SPSB1: variants seen among roughly 807,000 people sequenced by gnomAD.
SPSB1 encodes SPRY domain-containing SOCS box protein 1.
A neutral mutation model predicts 21.2 loss-of-function variants in SPSB1; 8 were observed. The observed-to-expected ratio is 0.38, with a 90% confidence interval of 0.22 to 0.68. SPSB1 has a LOEUF of 0.68. SPSB1 is among the 30% of genes least tolerant of loss of function. SPSB1 has a pLI of 0.53. For synonymous variants in SPSB1, 169 were observed against 161.7 expected, an observed-to-expected ratio of 1.05 and a Z score of -0.34; for missense variants, 242 against 377.8, an observed-to-expected ratio of 0.64 and a Z score of 2.98.
At chr1:9,329,747 GCTGGAGTCCAGGAGACTTC>G (rs1639884258) in intron 1 of SPSB1, among the ~76,000 whole-genome samples, 1 of 151,830 alleles carries the variant, frequency 6.6e-6, no homozygotes, top group Admixed American at 6.6e-5. Flanking sequence ...AGAAGTTAGT[GCTGGAGTCCAGGAGACTTC>G]CCAGATCTCG....
intron 1 of SPSB1, among the ~76,000 whole-genome samples, chr1:9,311,750 G>A (rs1239395510): frequency 2.6e-5 from 4 of 152,074 alleles, no homozygotes; most frequent in Non-Finnish European, 5.9e-5. Context: ...CGTGAAACGT[G>A]GCTTTATCTA....
intron 2 of SPSB1, among the ~76,000 whole-genome samples, chr1:9,358,413 C>G (rs915749358): frequency 6.6e-6 from 1 of 152,162 alleles, no homozygotes; most frequent in African/African-American, 2.4e-5. Flanking sequence ...GGTAGCCTCC[C>G]CGGGGAAGTC....
chr1:9,296,220 C>T (rs934938519), intron 1 of SPSB1, among the ~76,000 whole-genome samples: 1 of 152,156 alleles, frequency 6.6e-6, no homozygotes, highest in African/African-American at 2.4e-5. Flanking sequence ...GAGTCCTTGA[C>T]GCATTGACTC....
At chr1:9,332,220 T>C (rs1372973232) in intron 1 of SPSB1, among the ~76,000 whole-genome samples, 1 of 151,906 alleles carries the variant, frequency 6.6e-6, no homozygotes, top group Non-Finnish European at 1.5e-5. Context: ...TGAGAGCGTT[T>C]TAGGAAGATT....
intron 1 of SPSB1, among the ~76,000 whole-genome samples, chr1:9,298,238 T>G: frequency 6.6e-6 from 1 of 152,232 alleles, no homozygotes; most frequent in East Asian, 1.9e-4. Context: ...GTTTTCTGTA[T>G]AAGCAGAAAC....
chr1:9,329,997 T>G (rs1458436911), intron 1 of SPSB1, among the ~76,000 whole-genome samples: 2 of 152,192 alleles, frequency 1.3e-5, no homozygotes, highest in Non-Finnish European at 2.9e-5. Context: ...AGCAGGTGAC[T>G]GCACATTTTT....
chr1:9,309,787 A>G (rs1408314430), intron 1 of SPSB1, among the ~76,000 whole-genome samples: 1 of 152,156 alleles, frequency 6.6e-6, no homozygotes, highest in Non-Finnish European at 1.5e-5. Context: ...GTTTGCAGTG[A>G]GCCAAGACTG....
At chr1:9,322,555 G>C (rs1639737700) in intron 1 of SPSB1, among the ~76,000 whole-genome samples, 1 of 152,184 alleles carries the variant, frequency 6.6e-6, no homozygotes, top group Non-Finnish European at 1.5e-5. Flanking sequence ...CATGATGAGG[G>C]CTCAGGGTTC....
Position 9,323,372 on chromosome 1 carries a change from T to C in SPSB1, c.-150+30301T>C, listed in dbSNP as rs1639757198. On this transcript the variant is annotated intron_variant, in intron 1 of 2. Transcript: ENST00000328089. ...GCCCTCCATGGAGTCACTGGGGACT[T>C]TCCATGTCTCCCCCTGGCTGGCTGT... 2.0e-5 allele frequency among the ~76,000 whole-genome samples: 3 copies of C among 152,150 alleles called. No homozygotes were observed. In the South Asian group the frequency reaches 6.2e-4, roughly 32 times the overall value.
intron 1 of SPSB1, among the ~76,000 whole-genome samples, chr1:9,341,669 C>A (rs1176688634): frequency 6.6e-6 from 1 of 152,184 alleles, no homozygotes; most frequent in African/African-American, 2.4e-5. Flanking sequence ...AAGGCCTGTT[C>A]TCCCTTCCTG....
At chr1:9,361,999 C>T (rs565802999) in intron 2 of SPSB1, among the ~76,000 whole-genome samples, 1 of 152,356 alleles carries the variant, frequency 6.6e-6, no homozygotes, top group East Asian at 1.9e-4. Context: ...TTCGAATTTT[C>T]TTTAACGGCT....
Position 9,356,332 on chromosome 1 carries a change from C to G in SPSB1, c.441C>G (p.Asn147Lys). The change falls in exon 2 of 3, where the codon AAC becomes AAG. Residue 147 changes from asparagine to lysine, a missense_variant. Coordinates refer to ENST00000328089, the MANE Select transcript of SPSB1 (RefSeq NM_025106.4). The surrounding 1 kb of genome is among the most constrained non-coding windows in gnomAD (Gnocchi z 7.4). ...CCTGGGGCTGGGACTTGGGGCGCAA[C>G]CGGCTCTACCACGATGGCAAGAACC... ...HESWGWDLGR[N>K]RLYHDGKNQP... is the part of the protein sequence containing the mutation. 6.2e-7 allele frequency: 1 copy of G among 1,613,932 alleles called. No individual in the cohort carries two copies. Among genetic ancestry groups the G allele is most frequent in the Non-Finnish European group, 8.5e-7 (1 of 1,180,026 alleles).
rs574762639 is a variant in SPSB1, at chr1:9,346,065, C to T, written c.-149-9678C>T. Reference sequence around the variant, plus strand: ...GGATGCTGGAGGGAGCACAGAACCCCAGTGAGCGGGCAGAGCCCAGGCAGC... The same window carrying T: ...GGATGCTGGAGGGAGCACAGAACCCTAGTGAGCGGGCAGAGCCCAGGCAGC... On this transcript the variant is annotated intron_variant, in intron 1 of 2. Transcript: ENST00000328089. The surrounding 1 kb of genome is among the most constrained non-coding windows in gnomAD (Gnocchi z 4.4). Among the ~76,000 whole-genome samples, 27 of 152,336 alleles carry T rather than the reference C, an allele frequency of 1.8e-4. No individual in the cohort carries two copies. The highest frequency in any genetic ancestry group is 6.5e-4 in the African/African-American group (27 of 41,584).
In SPSB1 at chr1:9,351,134, TAA is replaced by T. The variant is rs1424144829; in HGVS notation, c.-149-4607_-149-4606del. On this transcript the variant is annotated intron_variant, in intron 1 of 2. Coordinates refer to ENST00000328089, the MANE Select transcript of SPSB1 (RefSeq NM_025106.4). ...AAATCTGGCCCACTGTCTATTTTTG[TAA>T]ATAAAGTTTTATTGAAACACATTCA... Among the ~76,000 whole-genome samples the T allele has an allele frequency of 6.6e-5, 10 of 152,370 alleles. 1 individual carries two copies. The East Asian group carries it at 1.9e-3, about 29-fold the overall frequency.
intron 1 of SPSB1, among the ~76,000 whole-genome samples, chr1:9,313,395 C>T (rs1438664693): frequency 6.6e-6 from 1 of 151,956 alleles, no homozygotes; most frequent in African/African-American, 2.4e-5. Flanking sequence ...AGCGAAACAC[C>T]GCTCTTCATT....
intron 1 of SPSB1, among the ~76,000 whole-genome samples, chr1:9,335,010 A>C (rs1639982378): frequency 6.6e-6 from 1 of 152,202 alleles, no homozygotes; most frequent in African/African-American, 2.4e-5. Flanking sequence ...ACATGGGTGC[A>C]CAAATATCTG....
chr1:9,342,034 T>C (rs1640099908), intron 1 of SPSB1, among the ~76,000 whole-genome samples: 1 of 152,236 alleles, frequency 6.6e-6, no homozygotes, highest in South Asian at 2.1e-4. Context: ...GGCCACCTTG[T>C]TGAGGCACTC....
intron 1 of SPSB1, among the ~76,000 whole-genome samples, chr1:9,336,354 G>A (rs1298269545): frequency 6.6e-6 from 1 of 152,042 alleles, no homozygotes; most frequent in Admixed American, 6.5e-5. Flanking sequence ...AGCCTCCTGA[G>A]TAGCTGGGAT....
intron 1 of SPSB1, among the ~76,000 whole-genome samples, chr1:9,325,753 C>A (rs1218519042): frequency 6.6e-6 from 1 of 152,144 alleles, no homozygotes; most frequent in Non-Finnish European, 1.5e-5. Context: ...GGCACGGGGG[C>A]AAAGGACGTT....
Sources: gnomAD v4.1 joint callset for allele counts (sites outside exome capture counted in the v4.1 genomes callset) on GRCh38, gnomAD v4.1.1 for gene constraint, Gnocchi (gnomAD v3.1) non-coding constraint, MANE v1.5 for transcripts, NCBI Gene and HGNC (gene_info 2026-07-23, HGNC 2026-07-21) for gene names.